DLEU7: variants seen among roughly 807,000 people sequenced by gnomAD.
DLEU7 encodes deleted in lymphocytic leukemia 7.
DLEU7 carries 17 observed loss-of-function variants against 16.0 expected under a neutral mutation model. That is an observed-to-expected ratio of 1.06 (90% confidence interval 0.73 to 1.59). DLEU7 has a LOEUF of 1.59. DLEU7 is among the 40% of genes most tolerant of loss of function. The pLI is 0.00. For synonymous variants in DLEU7, 113 were observed against 139.8 expected (o/e 0.81, Z 1.35); for missense variants, 308 against 314.9 (o/e 0.98, Z 0.17).
intron 1 of DLEU7, among the ~76,000 whole-genome samples, chr13:50,723,562 G>T (rs1339448784): frequency 6.6e-6 from 1 of 152,196 alleles, no homozygotes; most frequent in African/African-American, 2.4e-5. Context: ...TGTGACTGTG[G>T]TTGGGTTCTG....
At chr13:50,785,881 T>C (rs1333249063) in intron 1 of DLEU7, among the ~76,000 whole-genome samples, 1 of 152,214 alleles carries the variant, frequency 6.6e-6, no homozygotes, top group Admixed American at 6.5e-5. Context: ...CTTTATTCTA[T>C]ACTCTCATTA....
chr13:50,757,592 G>T (rs1335240090), intron 1 of DLEU7, among the ~76,000 whole-genome samples: 1 of 152,070 alleles, frequency 6.6e-6, no homozygotes, highest in Admixed American at 6.5e-5. Flanking sequence ...GTTTCTCCTG[G>T]CACACTATTC....
downstream of DLEU7, chr13:50,822,499 A>G (rs1876938191): frequency 2.2e-6 from 1 of 452,910 alleles, no homozygotes; most frequent in South Asian, 9.4e-5. Flanking sequence ...TTGTTGAAAA[A>G]AAAAAAATCA....
At chr13:50,794,579 G>A (rs1876057268) in intron 1 of DLEU7, among the ~76,000 whole-genome samples, 1 of 152,146 alleles carries the variant, frequency 6.6e-6, no homozygotes, top group Non-Finnish European at 1.5e-5. Context: ...TTTAATATGA[G>A]AATCATGGCT....
chr13:50,735,661 C>T (rs932161663), intron 1 of DLEU7, among the ~76,000 whole-genome samples: 1 of 151,614 alleles, frequency 6.6e-6, no homozygotes, highest in Non-Finnish European at 1.5e-5. Flanking sequence ...AACACATTTA[C>T]AAGAAAAAAA....
intron 1 of DLEU7, among the ~76,000 whole-genome samples, chr13:50,713,404 C>T (rs1013764611): frequency 3.9e-5 from 6 of 152,188 alleles, no homozygotes; most frequent in African/African-American, 1.4e-4. Flanking sequence ...TAGATAATTA[C>T]ATGAGAAACA....
chr13:50,713,290 T>C, intron 1 of DLEU7: 1 of 1,578,642 alleles, frequency 6.3e-7, no homozygotes, highest in Non-Finnish European at 8.6e-7. Flanking sequence ...GCATTTTTTA[T>C]ATTCATTGAT....
At chr13:50,833,520 A>G (rs1877346265) in intron 1 of DLEU7, among the ~76,000 whole-genome samples, 1 of 152,244 alleles carries the variant, frequency 6.6e-6, no homozygotes, top group East Asian at 1.9e-4. Flanking sequence ...ACTACAAACC[A>G]CTGCTCAAGG....
chr13:50,822,097 G>A (rs528534192), downstream of DLEU7, among the ~76,000 whole-genome samples: 1 of 152,032 alleles, frequency 6.6e-6, no homozygotes, highest in Non-Finnish European at 1.5e-5. Context: ...GACACACAGA[G>A]CATCTGCCTT....
chr13:50,810,787 T>C (rs1369771090), intron 1 of DLEU7, among the ~76,000 whole-genome samples: 1 of 152,212 alleles, frequency 6.6e-6, no homozygotes, highest in Non-Finnish European at 1.5e-5. Flanking sequence ...GTGAATTTTT[T>C]AGTTTATTTT....
chr13:50,810,508 A>G (rs1876534735), intron 1 of DLEU7, among the ~76,000 whole-genome samples: 4 of 152,202 alleles, frequency 2.6e-5, no homozygotes, highest in Admixed American at 2.6e-4. Flanking sequence ...AAGCCTCAAA[A>G]TAAAGGATAA....
chr13:50,826,129 A>G (rs1877076270), intron 1 of DLEU7, among the ~76,000 whole-genome samples: 1 of 151,288 alleles, frequency 6.6e-6, no homozygotes, highest in Non-Finnish European at 1.5e-5. Flanking sequence ...CTCATGCTCA[A>G]TTCACAATAG....
chr13:50,759,706 G>A (rs1024489314), intron 1 of DLEU7, among the ~76,000 whole-genome samples: 12 of 152,170 alleles, frequency 7.9e-5, no homozygotes, highest in African/African-American at 2.7e-4. Flanking sequence ...AGTCAGCAGA[G>A]GAAGTGACCC....
intron 1 of DLEU7, among the ~76,000 whole-genome samples, chr13:50,800,119 G>C (rs1876206863): frequency 6.6e-6 from 1 of 152,162 alleles, no homozygotes; most frequent in Non-Finnish European, 1.5e-5. Flanking sequence ...CCTCTGCTGA[G>C]GGTGGCAGAT....
At position 50,738,193 on chromosome 13, in the gene DLEU7, T is replaced by G. The variant is rs375955372; in HGVS notation, c.460-24953A>C. Among the ~76,000 whole-genome samples the G allele has an allele frequency of 3.3e-5, 5 of 152,156 alleles. No homozygotes were observed. In the East Asian group the frequency reaches 7.7e-4, roughly 23 times the overall value. ...GCAGAGGTTGGTTTATGAAGTTTAATAGATGAAGCAGTATAACATGTTAAT... is the reference window on the plus strand; with the variant it reads ...GCAGAGGTTGGTTTATGAAGTTTAAGAGATGAAGCAGTATAACATGTTAAT... On this transcript the variant is annotated intron_variant, in intron 1 of 1. Coordinates refer to the DLEU7 transcript ENST00000400393.
At chr13:50,822,845 G>A, downstream of DLEU7, 1 of 986,708 alleles carries the variant, frequency 1.0e-6, no homozygotes, top group Non-Finnish European at 1.2e-6. Flanking sequence ...CTTATAAAAG[G>A]AAGTGTCCAG....
At chr13:50,841,167 G>A (rs903780905) in intron 1 of DLEU7, among the ~76,000 whole-genome samples, 1 of 152,078 alleles carries the variant, frequency 6.6e-6, no homozygotes, top group Non-Finnish European at 1.5e-5. Context: ...CCAGGCTTCT[G>A]TGATTTACCT....
chr13:50,753,548 C>T (rs1018787180), intron 1 of DLEU7, among the ~76,000 whole-genome samples: 9 of 152,222 alleles, frequency 5.9e-5, no homozygotes, highest in East Asian at 1.9e-4. Flanking sequence ...GCCGCTGGCC[C>T]GGTTGCTAAG....
exon 2 of DLEU7, chr13:50,713,015 C>T (rs1873338984): frequency 1.1e-5 from 6 of 567,922 alleles, no homozygotes; most frequent in Non-Finnish European, 1.9e-5. Flanking sequence ...ATTTGTGGCG[C>T]GTTCCAATCG....
Sources: allele counts gnomAD v4.1 joint callset (sites outside exome capture counted in the v4.1 genomes callset), GRCh38; gene constraint gnomAD v4.1.1; transcripts MANE v1.5; gene names NCBI Gene and HGNC (gene_info 2026-07-23, HGNC 2026-07-21).